GTF2E2: variants seen among roughly 807,000 people sequenced by gnomAD.
The protein encoded by GTF2E2 is general transcription factor IIE subunit 2.
A neutral mutation model predicts 40.5 loss-of-function variants in GTF2E2; 21 were observed. That is an observed-to-expected ratio of 0.52 (90% CI 0.37 to 0.75). GTF2E2 has a LOEUF of 0.75. GTF2E2 is among the 30% of genes least tolerant of loss of function. GTF2E2 has a pLI of 0.00. For synonymous variants in GTF2E2, 117 were observed against 121.6 expected (o/e 0.96, Z 0.25); for missense variants, 298 against 338.4 (o/e 0.88, Z 0.94).
At chr8:30,628,417 A>T (rs1010082706) in intron 3 of GTF2E2, among the ~76,000 whole-genome samples, 1 of 152,196 alleles carries the variant, frequency 6.6e-6, no homozygotes, top group Non-Finnish European at 1.5e-5. Flanking sequence ...CTGTCAAAAG[A>T]GCACTGACAA....
intron 3 of GTF2E2, among the ~76,000 whole-genome samples, chr8:30,622,954 A>G (rs1801156968): frequency 6.6e-6 from 1 of 152,082 alleles, no homozygotes; most frequent in African/African-American, 2.4e-5. Context: ...TTGTGCAGTT[A>G]ACGCAATTAT....
chr8:30,635,747 C>A (rs1020408515), intron 2 of GTF2E2, among the ~76,000 whole-genome samples: 1 of 152,026 alleles, frequency 6.6e-6, no homozygotes, highest in South Asian at 2.1e-4. Flanking sequence ...CAGAAGTACA[C>A]TTTATTAAAC....
intron 6 of GTF2E2, among the ~76,000 whole-genome samples, chr8:30,585,994 A>G (rs532518886): frequency 6.6e-6 from 1 of 152,144 alleles, no homozygotes; most frequent in East Asian, 1.9e-4. Flanking sequence ...AGGTGGGAAG[A>G]GAGCTTGAAC....
intron 5 of GTF2E2, among the ~76,000 whole-genome samples, chr8:30,609,673 A>G (rs1472614750): frequency 1.3e-5 from 2 of 152,182 alleles, no homozygotes; most frequent in African/African-American, 4.8e-5. Context: ...AGGGACCTCA[A>G]AAAGCCTGAA....
chr8:30,648,689 CT>C (rs1802178852), intron 2 of GTF2E2, among the ~76,000 whole-genome samples: 1 of 152,248 alleles, frequency 6.6e-6, no homozygotes, highest in African/African-American at 2.4e-5. Flanking sequence ...AGTTTTCCTG[CT>C]AGCACAGAAC....
intron 5 of GTF2E2, among the ~76,000 whole-genome samples, chr8:30,610,399 T>C (rs569765239): frequency 2.0e-4 from 30 of 148,072 alleles, no homozygotes; most frequent in Non-Finnish European, 4.0e-4. Context: ...TGACCCAAGA[T>C]TGCATCACTG....
At position 30,629,688 on chromosome 8, in the gene GTF2E2, CAAAAAAAAA is replaced by C. The variant is rs10707910; in HGVS notation, c.258+5335_258+5343del. On this transcript the variant is annotated intron_variant, in intron 3 of 7. Transcript: ENST00000355904. ...TGGGTGACAGAGCAAGATTCCATCT[CAAAAAAAAA>C]AAAAAAAAAAAAGACTGTTGAGCTA... Among the ~76,000 whole-genome samples, 45 of 70,954 alleles carry C rather than the reference CAAAAAAAAA, an allele frequency of 6.3e-4. 1 individual carries two copies. In the East Asian group the frequency reaches 0.014, roughly 22 times the overall value. 46.5% of individuals were successfully genotyped at this position (70,954 alleles called of 152,430 possible).
intron 2 of GTF2E2, among the ~76,000 whole-genome samples, chr8:30,649,118 T>C (rs964636122): frequency 6.6e-6 from 1 of 152,154 alleles, no homozygotes; most frequent in Non-Finnish European, 1.5e-5. Context: ...GTTAATTCTA[T>C]GTACATTTCA....
chr8:30,585,771 TTAA>T (rs1828663494), intron 6 of GTF2E2, among the ~76,000 whole-genome samples: 2 of 76,196 alleles, frequency 2.6e-5, no homozygotes, highest in African/African-American at 1.2e-4. Flanking sequence ...TCTTTGCCCT[TTAA>T]AAAAAAAAAA....
chr8:30,639,522 TAAGA>T (rs34723811), intron 2 of GTF2E2, among the ~76,000 whole-genome samples: 6,375 of 152,266 alleles, frequency 0.042, 199 homozygotes, highest in African/African-American at 0.086. Context: ...AAGAACTGGT[TAAGA>T]AAGGAGAGTA....
chr8:30,618,492 G>A (rs1489012284), intron 3 of GTF2E2, among the ~76,000 whole-genome samples: 8 of 152,072 alleles, frequency 5.3e-5, no homozygotes, highest in South Asian at 2.1e-4. Flanking sequence ...GCATGGCCTC[G>A]CTCATTCCTT....
intron 6 of GTF2E2, among the ~76,000 whole-genome samples, chr8:30,589,599 C>T (rs1292334212): frequency 6.6e-6 from 1 of 152,160 alleles, no homozygotes; most frequent in Non-Finnish European, 1.5e-5. Context: ...CTTAAGCAGG[C>T]AGGATTATAA....
intron 6 of GTF2E2, among the ~76,000 whole-genome samples, chr8:30,594,433 T>C (rs1012768630): frequency 1.3e-5 from 2 of 151,734 alleles, no homozygotes; most frequent in African/African-American, 2.4e-5. Flanking sequence ...AATTTTGGTA[T>C]TTTTAGTAGA....
At chr8:30,614,117 T>C (rs990075040) in intron 4 of GTF2E2, among the ~76,000 whole-genome samples, 1 of 152,216 alleles carries the variant, frequency 6.6e-6, no homozygotes, top group Non-Finnish European at 1.5e-5. Context: ...GTACAATGAC[T>C]TCTTTACAAC....
Position 30,630,391 on chromosome 8 carries a change from C to A in GTF2E2, c.258+4641G>T, listed in dbSNP as rs193141569. Among the ~76,000 whole-genome samples, 577 of 152,256 alleles carry A rather than the reference C, an allele frequency of 3.8e-3. 2 individuals carry two copies. The highest frequency in any genetic ancestry group is 0.013 in the African/African-American group (530 of 41,552). Reference sequence around the variant, plus strand: ...ATCTCACTGTACCTATCTAATGCCTCCCCTGGAACTTTTTCCACAGTTTCT... The same window carrying A: ...ATCTCACTGTACCTATCTAATGCCTACCCTGGAACTTTTTCCACAGTTTCT... On this transcript the variant is annotated intron_variant, in intron 3 of 7. Coordinates refer to ENST00000355904, the MANE Select transcript of GTF2E2 (RefSeq NM_002095.6).
chr8:30,630,339 G>C (rs1213662753), intron 3 of GTF2E2, among the ~76,000 whole-genome samples: 1 of 152,058 alleles, frequency 6.6e-6, no homozygotes, highest in Non-Finnish European at 1.5e-5. Flanking sequence ...TTAGTACTTT[G>C]TCCAAAGTTA....
intron 3 of GTF2E2, among the ~76,000 whole-genome samples, chr8:30,620,181 T>C (rs1273219779): frequency 6.6e-6 from 1 of 151,954 alleles, no homozygotes; most frequent in Non-Finnish European, 1.5e-5. Context: ...TCTGTTGTTT[T>C]AAGCCACTAA....
At chr8:30,593,797 T>C (rs996224210) in intron 6 of GTF2E2, among the ~76,000 whole-genome samples, 22 of 152,188 alleles carry the variant, frequency 1.4e-4, no homozygotes, top group African/African-American at 5.3e-4. Flanking sequence ...CCTTCTTTAA[T>C]CCTTGGTAAT....
At chr8:30,607,720 G>A (rs1350587144) in intron 5 of GTF2E2, among the ~76,000 whole-genome samples, 1 of 152,146 alleles carries the variant, frequency 6.6e-6, no homozygotes, top group Non-Finnish European at 1.5e-5. Flanking sequence ...AATCTTTGCT[G>A]CAATTACTAT....
Sources: allele counts gnomAD v4.1 joint callset (sites outside exome capture counted in the v4.1 genomes callset), GRCh38; gene constraint gnomAD v4.1.1; transcripts MANE v1.5; gene names NCBI Gene and HGNC (gene_info 2026-07-23, HGNC 2026-07-21).